AFAP1: variants seen among roughly 807,000 people sequenced by gnomAD.
AFAP1 encodes actin filament-associated protein 1.
Under a neutral mutation model 93.9 loss-of-function variants are expected in AFAP1, and 75 were observed. The ratio of observed to expected loss-of-function variants is 0.80; its 90% CI spans 0.66 to 0.97. The LOEUF (loss-of-function observed/expected upper bound fraction) is 0.97. Among genes scored for constraint, AFAP1 ranks in the 50% least tolerant of loss-of-function variants. AFAP1 has a pLI of 0.00. For synonymous variants in AFAP1, 517 were observed against 430.7 expected (o/e 1.20, Z -2.48); for missense variants, 1,201 against 1,050.8 (o/e 1.14, Z -1.98).
intron 4 of AFAP1, among the ~76,000 whole-genome samples, chr4:7,847,320 G>A (rs922040639): frequency 6.6e-6 from 1 of 151,958 alleles, no homozygotes; most frequent in African/African-American, 2.4e-5. Context: ...GCTTAGTGAT[G>A]GTCCAATCAA....
Position 7,774,912 on chromosome 4 carries a change from GA to G in AFAP1, c.1898-10del, listed in dbSNP as rs758614961. 5.0e-6 allele frequency: 8 copies of G among 1,590,338 alleles called. No homozygotes were observed. Among genetic ancestry groups the G allele is most frequent in the Admixed American group, 1.9e-5 (1 of 53,064 alleles). On this transcript the variant is annotated splice_polypyrimidine_tract_variant and intron_variant, in intron 14 of 17. Transcript: ENST00000420658. ...CTTGTACTGGGCAGCATCTTGAGAA[GA>G]AAAAAAAGCAGCAATTAAAAATTAG... is the stretch of plus-strand genomic sequence containing the variant.
intron 17 of AFAP1, among the ~76,000 whole-genome samples, chr4:7,766,984 C>A (rs1714693995): frequency 6.6e-6 from 1 of 151,998 alleles, no homozygotes; most frequent in South Asian, 2.1e-4. Context: ...CCCCTTGGTC[C>A]CCAGAAAAAG....
chr4:7,766,630 C>G (rs556771977), intron 17 of AFAP1, among the ~76,000 whole-genome samples: 1 of 147,912 alleles, frequency 6.8e-6, no homozygotes, highest in Admixed American at 6.7e-5. Flanking sequence ...GACTGTGTCA[C>G]GAGAGGGTAA....
At chr4:7,866,486 G>A (rs1054019909) in intron 3 of AFAP1, among the ~76,000 whole-genome samples, 6 of 152,182 alleles carry the variant, frequency 3.9e-5, no homozygotes, top group African/African-American at 7.2e-5. Context: ...GTGAGCCACC[G>A]CACCTGGCCC....
rs781337722 is a variant in AFAP1 at position 7,809,601 on chromosome 4, A to T, written c.1054+13T>A. On this transcript the variant is annotated intron_variant, in intron 9 of 17. Transcript: ENST00000420658. ...AGGTGCACGCTGCTCGTCTCCGGGA[A>T]GCGCAGTCTTACCGCAGGTGGGAAC... 1.9e-6 allele frequency: 3 copies of T among 1,608,664 alleles called. No individual in the cohort carries two copies. Among genetic ancestry groups the T allele is most frequent in the South Asian group, 1.1e-5 (1 of 89,702 alleles).
At chr4:7,891,197 T>C (rs765092270) in intron 1 of AFAP1, among the ~76,000 whole-genome samples, 4 of 152,218 alleles carry the variant, frequency 2.6e-5, no homozygotes, top group Non-Finnish European at 5.9e-5. Context: ...TGACTCTGTT[T>C]TGGTGAAATT....
In AFAP1 at chr4:7,852,882, G is replaced by A. The variant is rs147652291; in HGVS notation, c.334+2584C>T. Reference sequence around the variant, plus strand: ...GGAGTCAACCTTGTATGAATATCTCGGAATTTAGGTTACAGGCTCTAGAAG... The same window carrying A: ...GGAGTCAACCTTGTATGAATATCTCAGAATTTAGGTTACAGGCTCTAGAAG... On this transcript the variant is annotated intron_variant, in intron 4 of 17. Coordinates refer to ENST00000420658, the MANE Select transcript of AFAP1 (RefSeq NM_001134647.2). Among the ~76,000 whole-genome samples, 291 of 152,208 alleles carry A rather than the reference G, an allele frequency of 1.9e-3. 1 individual carries two copies. The highest frequency in any genetic ancestry group is 6.6e-3 in the African/African-American group (273 of 41,520).
At chr4:7,860,781 A>C (rs1425845594) in intron 3 of AFAP1, among the ~76,000 whole-genome samples, 1 of 152,148 alleles carries the variant, frequency 6.6e-6, no homozygotes, top group Non-Finnish European at 1.5e-5. Context: ...AACAAACCGA[A>C]CAACCAAGAC....
chr4:7,782,138 G>A (rs1239900568), intron 12 of AFAP1, among the ~76,000 whole-genome samples: 1 of 152,218 alleles, frequency 6.6e-6, no homozygotes. Context: ...CACTTCTCAC[G>A]TCCTGGACGC....
intron 11 of AFAP1, among the ~76,000 whole-genome samples, chr4:7,789,803 T>A (rs146471659): frequency 6.6e-6 from 1 of 152,382 alleles, no homozygotes; most frequent in Non-Finnish European, 1.5e-5. Context: ...CTTTCCGTTC[T>A]CTTCATCCTC....
At chr4:7,887,674 G>T (rs1718209904) in intron 1 of AFAP1, among the ~76,000 whole-genome samples, 1 of 152,178 alleles carries the variant, frequency 6.6e-6, no homozygotes, top group Admixed American at 6.5e-5. Context: ...CTTAAACTCA[G>T]AATATTCACG....
intron 1 of AFAP1, among the ~76,000 whole-genome samples, chr4:7,903,825 G>A (rs1328552941): frequency 1.3e-5 from 2 of 152,156 alleles, no homozygotes; most frequent in Non-Finnish European, 2.9e-5. Context: ...AAAAGGAGGC[G>A]GGCGGGCAGC....
chr4:7,857,045 T>A (rs1238486947), intron 3 of AFAP1, among the ~76,000 whole-genome samples: 1 of 152,232 alleles, frequency 6.6e-6, no homozygotes, highest in Non-Finnish European at 1.5e-5. Flanking sequence ...AAGACCTTTT[T>A]AATATTCATA....
intron 2 of AFAP1, among the ~76,000 whole-genome samples, chr4:7,869,551 G>A (rs1355747441): frequency 6.6e-6 from 1 of 152,192 alleles, no homozygotes; most frequent in African/African-American, 2.4e-5. Flanking sequence ...AAGACAAACA[G>A]ATACACAACA....
At chr4:7,929,066 G>A (rs1720922286) in intron 1 of AFAP1, among the ~76,000 whole-genome samples, 1 of 152,238 alleles carries the variant, frequency 6.6e-6, no homozygotes, top group African/African-American at 2.4e-5. Flanking sequence ...CTCAGGAGAG[G>A]AGGCAGGGGT....
intron 3 of AFAP1, among the ~76,000 whole-genome samples, chr4:7,863,779 T>A (rs908477004): frequency 6.6e-6 from 1 of 152,216 alleles, no homozygotes; most frequent in Non-Finnish European, 1.5e-5. Flanking sequence ...ACCTTATTTG[T>A]TAAAGAGTTT....
chr4:7,766,165 G>A (rs16841118), intron 17 of AFAP1, among the ~76,000 whole-genome samples: 8,430 of 152,276 alleles, frequency 0.055, 778 homozygotes, highest in African/African-American at 0.19. Flanking sequence ...CTATGCTGAG[G>A]CCCTCTCAGA....
At chr4:7,840,275 T>TGTGCGTGTGTGC (rs5855987) in intron 5 of AFAP1, among the ~76,000 whole-genome samples, 1 of 131,646 alleles carries the variant, frequency 7.6e-6, no homozygotes, top group African/African-American at 3.0e-5. Flanking sequence ...TGTGTGTGTG[T>TGTGCGTGTGTGC]GTGTGTGTGT....
At position 7,761,025 on chromosome 4, in the gene AFAP1, C is replaced by T. The variant is rs953691882; in HGVS notation, c.*2740G>A. The T allele has an allele frequency of 1.3e-5, 2 of 152,244 alleles. No homozygotes were observed. Among genetic ancestry groups the T allele is most frequent in the Middle Eastern group, 3.2e-3 (1 of 316 alleles). The allele number at this position is 152,244 out of a possible 1,614,324, so 9.4% of individuals were successfully genotyped here. A position where few individuals can be genotyped will look rare whatever the true frequency, so the allele number is the denominator to read the frequency against. Reference sequence around the variant, plus strand: ...GCTTCGTTATGAAATCAGACACACTCGCAGCTGCCACAGAGGCAAGGGGTG... The same window carrying T: ...GCTTCGTTATGAAATCAGACACACTTGCAGCTGCCACAGAGGCAAGGGGTG... On this transcript the variant is annotated 3_prime_UTR_variant, in exon 18 of 18. Coordinates refer to ENST00000420658, the MANE Select transcript of AFAP1 (RefSeq NM_001134647.2).
Sources: allele counts gnomAD v4.1 joint callset (sites outside exome capture counted in the v4.1 genomes callset), GRCh38; gene constraint gnomAD v4.1.1; transcripts MANE v1.5; gene names NCBI Gene and HGNC (gene_info 2026-07-23, HGNC 2026-07-21).